The following DOT1L variants were observed in gnomAD, a reference collection of about 807,000 sequenced individuals.
DOT1L encodes the protein DOT1 like histone lysine methyltransferase.
A neutral mutation model predicts 153.3 loss-of-function variants in DOT1L; 33 were observed. The observed-to-expected ratio is 0.22, with a 90% CI of 0.16 to 0.29. DOT1L has a LOEUF of 0.29. Among genes scored for constraint, DOT1L ranks in the 10% least tolerant of loss-of-function variants. The pLI is 1.00. For synonymous variants in DOT1L, 1,135 were observed against 965.1 expected (o/e 1.18, Z -3.26); for missense variants, 1,847 against 2,119.9 (o/e 0.87, Z 2.53).
At chr19:2,179,239 C>T (rs984006230) in intron 1 of DOT1L, among the ~76,000 whole-genome samples, 5 of 152,166 alleles carry the variant, frequency 3.3e-5, no homozygotes, top group African/African-American at 7.2e-5. Flanking sequence ...TTGGGAGGCT[C>T]GTGGCGGCTG....
chr19:2,229,792 G>A lies in DOT1L; in HGVS notation c.4614G>A (p.Ter1538=), dbSNP rs1238437353. ...CGCTGTGCCCTTCTGCAGGTAACTA[G>A]GATTTCTACCTCAACCGCGAGACCT... is the stretch of plus-strand genomic sequence containing the variant. The part of the protein sequence containing the change: ...GVAGGTVGGN[*] Residue 1538 remains the stop codon, a stop_retained_variant, in exon 28 of 28, where the codon TAG becomes TAA. Transcript: ENST00000398665. 5 of 1,613,196 alleles carry A rather than the reference G, an allele frequency of 3.1e-6. No homozygotes were observed. The highest frequency in any genetic ancestry group is 4.2e-6 in the Non-Finnish European group (5 of 1,179,946).
At chr19:2,179,796 C>G (rs1312114170) in intron 1 of DOT1L, among the ~76,000 whole-genome samples, 1 of 152,106 alleles carries the variant, frequency 6.6e-6, no homozygotes, top group Non-Finnish European at 1.5e-5. Context: ...GACAAACAAA[C>G]AAACAAACAG....
At chr19:2,168,194 A>G (rs2019999988) in intron 1 of DOT1L, among the ~76,000 whole-genome samples, 1 of 152,178 alleles carries the variant, frequency 6.6e-6, no homozygotes, top group Admixed American at 6.5e-5. Context: ...CAGGCCGGGC[A>G]CAGGGGCTCA....
intron 1 of DOT1L, 145 bp downstream of exon 1, chr19:2,164,410 G>C (rs987623726): frequency 2.0e-6 from 1 of 504,000 alleles, no homozygotes; most frequent in African/African-American, 2.0e-5. Flanking sequence ...CTCCACCCCC[G>C]TTGCTTCCCG....
At position 2,227,137 on chromosome 19, in the gene DOT1L, G is replaced by T. The variant is rs770886653; in HGVS notation, c.4606+10G>T. Reference sequence around the variant, plus strand: ...GGCGGCACAGTTGGAGGTAGGCAGGGCGGCCGTCCGTCCGCCCCCCGCCCC... The same window carrying T: ...GGCGGCACAGTTGGAGGTAGGCAGGTCGGCCGTCCGTCCGCCCCCCGCCCC... On this transcript the variant is annotated intron_variant, in intron 27 of 27. Coordinates refer to ENST00000398665, the MANE Select transcript of DOT1L (RefSeq NM_032482.3). 32 of 1,554,918 alleles carry T rather than the reference G, an allele frequency of 2.1e-5. No homozygotes were observed. Among genetic ancestry groups the T allele is most frequent in the Admixed American group, 1.9e-5 (1 of 52,402 alleles).
In DOT1L at chr19:2,217,929, C is replaced by T; in HGVS notation, c.2691+11C>T. On this transcript the variant is annotated intron_variant, in intron 22 of 27. Transcript: ENST00000398665. The surrounding 1 kb of genome is among the most constrained non-coding windows in gnomAD (Gnocchi z 7.3). ...CGCGCCGAGAGGGCGGTGAGTGGCT[C>T]CCAGGTGGCTGTCCCCAAGGGCCAC... 4 of 1,609,514 alleles carry T rather than the reference C, an allele frequency of 2.5e-6. No homozygotes were observed. Among genetic ancestry groups the T allele is most frequent in the Non-Finnish European group, 2.5e-6 (3 of 1,179,228 alleles).
In DOT1L at chr19:2,199,911, G is replaced by C; in HGVS notation, c.679G>C (p.Glu227Gln). 6.2e-7 allele frequency: 1 copy of C among 1,614,058 alleles called. No individual in the cohort carries two copies. Among genetic ancestry groups the C allele is most frequent in the Non-Finnish European group, 8.5e-7 (1 of 1,179,922 alleles). ...TLERGDFLSE[E>Q]WRERIANTSV... Reference sequence around the variant, plus strand: ...GGAGAGAGGCGATTTCCTCTCAGAAGAGTGGAGGGAGCGAATCGCCAACAC... The same window carrying C: ...GGAGAGAGGCGATTTCCTCTCAGAACAGTGGAGGGAGCGAATCGCCAACAC... Residue 227 changes from glutamate (E) to glutamine (Q), a missense_variant, in exon 8 of 28, where the codon GAG (glutamate) becomes CAG (glutamine). By Grantham distance (29) the Glu-to-Gln change is conservative. Coordinates refer to ENST00000398665, the MANE Select transcript of DOT1L (RefSeq NM_032482.3).
At chr19:2,224,096 C>T (rs558814296) in intron 25 of DOT1L, among the ~76,000 whole-genome samples, 37 of 152,348 alleles carry the variant, frequency 2.4e-4, no homozygotes, top group African/African-American at 8.4e-4. Context: ...TGTCTGGCAT[C>T]TCTCACTGAG....
chr19:2,217,662 G>T lies in DOT1L; in HGVS notation c.2545-110G>T. 3.4e-6 allele frequency: 5 copies of T among 1,462,698 alleles called. No homozygotes were observed. Among genetic ancestry groups the T allele is most frequent in the South Asian group, 1.3e-5 (1 of 75,086 alleles). The allele number at this position is 1,462,698 out of a possible 1,614,324, so 90.6% of individuals were successfully genotyped here. On this transcript the variant is annotated intron_variant, in intron 21 of 27. Transcript: ENST00000398665. The surrounding 1 kb of genome is among the most constrained non-coding windows in gnomAD (Gnocchi z 7.3). ...GGGAAGGTTGCAGGGCCTTGGCAGC[G>T]TGGGGGCCGCCTTGAGAGAGCTGTA...
At chr19:2,215,031 C>G (rs910820859) in intron 19 of DOT1L, among the ~76,000 whole-genome samples, 2 of 152,104 alleles carry the variant, frequency 1.3e-5, no homozygotes, top group African/African-American at 2.4e-5. Flanking sequence ...GCCTGGCCAA[C>G]ACAGTGGGAC....
At chr19:2,175,450 G>A (rs897333561) in intron 1 of DOT1L, among the ~76,000 whole-genome samples, 2 of 152,224 alleles carry the variant, frequency 1.3e-5, no homozygotes, top group Non-Finnish European at 2.9e-5. Flanking sequence ...CCAGGCATGG[G>A]CCACTGCATC....
At chr19:2,173,045 T>C (rs563685262) in intron 1 of DOT1L, among the ~76,000 whole-genome samples, 1 of 152,196 alleles carries the variant, frequency 6.6e-6, no homozygotes, top group African/African-American at 2.4e-5. Flanking sequence ...TCACAGATTG[T>C]GCAGTCGTCA....
chr19:2,213,357 A>C, intron 16 of DOT1L, 182 bp from the exon 17 acceptor site: 1 of 577,532 alleles, frequency 1.7e-6, no homozygotes, highest in Non-Finnish European at 3.0e-6. Flanking sequence ...CCTGATGCAG[A>C]GCTGGTCCCC....
Position 2,206,912 on chromosome 19 carries a change from TG to T in DOT1L, c.856+119del. Reference sequence around the variant, plus strand: ...TGGACACTGGGGCTGGATCCTTCTGTGGGGTGGGGCTGTCCTGGGCAGTGCA... The same window carrying T: ...TGGACACTGGGGCTGGATCCTTCTGTGGGTGGGGCTGTCCTGGGCAGTGCA... On this transcript the variant is annotated intron_variant, in intron 10 of 27. Transcript: ENST00000398665. The T allele has an allele frequency of 4.5e-6, 5 of 1,100,594 alleles. No homozygotes were observed. In the South Asian group the frequency reaches 5.2e-5, roughly 11 times the overall value. 68.2% of individuals were successfully genotyped at this position (1,100,594 alleles called of 1,614,324 possible).
At chr19:2,206,022 A>T (rs2023477084) in intron 9 of DOT1L, among the ~76,000 whole-genome samples, 3 of 138,850 alleles carry the variant, frequency 2.2e-5, no homozygotes, top group African/African-American at 5.5e-5. Flanking sequence ...TTTGAGGCAG[A>T]GTCTCTCTCT....
In DOT1L at chr19:2,216,691, G is replaced by T. The variant is rs775061899; in HGVS notation, c.2334G>T (p.Lys778Asn). 6.2e-7 allele frequency: 1 copy of T among 1,603,098 alleles called. No individual in the cohort carries two copies. The highest frequency in any genetic ancestry group is 1.3e-5 in the African/African-American group (1 of 75,046). The change falls in exon 20 of 28, where the codon AAG becomes AAT. Residue 778 changes from lysine (K) to asparagine (N), a missense_variant. Transcript: ENST00000398665. ...APDYTRLSPA[K>N]IVLRRHLSQD... ...ACTACACTAGGCTGTCCCCGGCCAA[G>T]ATTGTGCTGAGGCGGCACCTGAGCC...
intron 23 of DOT1L, chr19:2,221,129 A>G (rs2024098072): frequency 6.4e-6 from 1 of 155,618 alleles, no homozygotes; most frequent in Admixed American, 6.3e-5. Flanking sequence ...GTGAGCTGAG[A>G]TCGCACCACT....
At position 2,222,362 on chromosome 19, in the gene DOT1L, A is replaced by G; in HGVS notation, c.3193A>G (p.Ser1065Gly). The G allele has an allele frequency of 6.2e-7, 1 of 1,612,260 alleles. No homozygotes were observed. The highest frequency in any genetic ancestry group is 8.5e-7 in the Non-Finnish European group (1 of 1,179,670). ...CAAGCAGTCGCCCTCCAGCAAGCAC[A>G]GCCCCCTGACCGCCAGCGCCCGTGG... ...SAKQSPSSKH[S>G]PLTASARGDC... The change falls in exon 24 of 28, where the codon AGC becomes GGC. Residue 1065 changes from serine (S) to glycine (G), a missense_variant. This residue lies in a region of DOT1L where 934 missense variants were observed against 825.3 expected (regional missense o/e 1.13). Transcript: ENST00000398665. The surrounding 1 kb of genome is among the most constrained non-coding windows in gnomAD (Gnocchi z 6.5).
chr19:2,209,002 G>T (rs750419169), intron 12 of DOT1L, 26 bp downstream of exon 12: 66 of 1,610,486 alleles, frequency 4.1e-5, no homozygotes, highest in Middle Eastern at 3.3e-4. Context: ...TTTTCTCTTG[G>T]GTTAATAACA....
Sources: allele counts gnomAD v4.1 joint callset (sites outside exome capture counted in the v4.1 genomes callset), GRCh38; gene constraint gnomAD v4.1.1; regional missense constraint gnomAD v4.1.1; non-coding constraint Gnocchi (gnomAD v3.1); transcripts MANE v1.5; gene names NCBI Gene and HGNC (gene_info 2026-07-23, HGNC 2026-07-21).